The following MAGEB16 variants were observed in gnomAD, a reference collection of about 807,000 sequenced individuals.
The protein encoded by MAGEB16 is MAGE family member B16.
For missense variants in MAGEB16, 217 were observed against 234.0 expected, an observed-to-expected ratio of 0.93 and a Z score of 0.47; for synonymous variants, 95 against 92.1, an observed-to-expected ratio of 1.03 and a Z score of -0.18.
chrX:35,801,858 A>T (rs1289009385), intron 1 of MAGEB16, among the ~76,000 whole-genome samples: 4 of 112,589 alleles, frequency 3.6e-5, no homozygotes, highest in Non-Finnish European at 5.6e-5. Flanking sequence ...AACTGATGAC[A>T]TTACCCTCCT....
rs758800059 is a variant in MAGEB16 at position 35,800,399 on chromosome X, G to A, written c.-66-1732G>A. The A allele has an allele frequency of 5.4e-5, 26 of 477,431 alleles. No individual in the cohort carries two copies. The Admixed American group carries it at 7.3e-4, about 13-fold the overall frequency. The allele number at this position is 477,431 out of a possible 1,213,427, so 39.3% of individuals were successfully genotyped here. On this transcript the variant is annotated intron_variant, in intron 1 of 1. Coordinates refer to ENST00000399988, the Ensembl canonical transcript of MAGEB16. ...AATAGCAGCCTCAAGTCAATATAGG[G>A]GTAGGTGCATAAGGGGTACCGAGAG... is the stretch of plus-strand genomic sequence containing the variant.
exon 2 of MAGEB16, chrX:35,803,044 C>T (rs376215442): frequency 1.7e-6 from 2 of 1,210,416 alleles, no homozygotes; most frequent in Non-Finnish European, 2.2e-6. Flanking sequence ...AGAGCCAAAG[C>T]TGAAACCAGC....
intron 1 of MAGEB16, among the ~76,000 whole-genome samples, chrX:35,799,950 G>A (rs1601847239): frequency 9.0e-6 from 1 of 111,132 alleles, no homozygotes; most frequent in South Asian, 3.9e-4. Flanking sequence ...GCTAAGTAAG[G>A]CCATCAGAGG....
chrX:35,801,113 T>G (rs1327610605), intron 1 of MAGEB16, among the ~76,000 whole-genome samples: 1 of 111,678 alleles, frequency 9.0e-6, no homozygotes, highest in Non-Finnish European at 1.9e-5. Context: ...GGTTCTTGAT[T>G]AGTGTACCTA....
exon 2 of MAGEB16, chrX:35,802,869 G>T: frequency 8.3e-7 from 1 of 1,212,054 alleles, no homozygotes; most frequent in Non-Finnish European, 1.1e-6. Flanking sequence ...TGAAGAGGAA[G>T]TCTGGGAAGT....
chrX:35,802,386 G>A (rs1458370429), exon 2 of MAGEB16: 2 of 1,205,437 alleles, frequency 1.7e-6, no homozygotes, highest in African/African-American at 3.5e-5. Context: ...TCCTCTTGAG[G>A]TTCCTCAGAG....
chrX:35,799,550 C>T (rs1445494131), intron 1 of MAGEB16, among the ~76,000 whole-genome samples: 1 of 111,609 alleles, frequency 9.0e-6, no homozygotes, highest in African/African-American at 3.3e-5. Flanking sequence ...GAGTATATTA[C>T]ATCAGGCCAG....
chrX:35,799,083 C>T (rs1450898959), intron 1 of MAGEB16, among the ~76,000 whole-genome samples: 4 of 105,344 alleles, frequency 3.8e-5, no homozygotes, highest in Non-Finnish European at 7.8e-5. Context: ...GGGGTTTCAC[C>T]GTTTTAGCCA....
At chrX:35,800,771 A>G (rs768088712) in intron 1 of MAGEB16, among the ~76,000 whole-genome samples, 12 of 111,565 alleles carry the variant, frequency 1.1e-4, no homozygotes, top group Non-Finnish European at 2.3e-4. Flanking sequence ...AGATGCTTCC[A>G]TTAGTCAAGG....
chrX:35,802,745 C>A (rs1285857695), exon 2 of MAGEB16: 54 of 1,209,341 alleles, frequency 4.5e-5, no homozygotes, highest in Non-Finnish European at 5.9e-5. Flanking sequence ...ATGGCCTCTT[C>A]ATCAAACTGG....
intron 1 of MAGEB16, 99 bp from the exon 2 acceptor site, chrX:35,802,032 A>G: frequency 9.3e-6 from 5 of 537,816 alleles, no homozygotes; most frequent in Non-Finnish European, 1.5e-5. Flanking sequence ...GCTCTATAAC[A>G]CTGCTGTCAG....
At chrX:35,799,109 C>G (rs1326095638) in intron 1 of MAGEB16, among the ~76,000 whole-genome samples, 1 of 105,646 alleles carries the variant, frequency 9.5e-6, no homozygotes, top group Non-Finnish European at 1.9e-5. Flanking sequence ...GTCTCGATCT[C>G]CTGACCTCGT....
At chrX:35,801,696 G>A (rs144901311) in intron 1 of MAGEB16, among the ~76,000 whole-genome samples, 7 of 112,791 alleles carry the variant, frequency 6.2e-5, no homozygotes, top group African/African-American at 1.9e-4. Flanking sequence ...TCTAGGTCCT[G>A]CTATCAGCCC....
At chrX:35,803,114 A>G in exon 2 of MAGEB16, 1 of 1,205,752 alleles carries the variant, frequency 8.3e-7, no homozygotes, top group Non-Finnish European at 1.1e-6. Context: ...ATTCTTTCCC[A>G]TCTCAGTATG....
intron 1 of MAGEB16, chrX:35,800,651 G>A (rs1227991092): frequency 1.2e-5 from 6 of 514,423 alleles, no homozygotes; most frequent in African/African-American, 2.3e-5. Context: ...CCCTGCTGTC[G>A]GTTGTGGGAG....
intron 1 of MAGEB16, among the ~76,000 whole-genome samples, chrX:35,799,475 G>C (rs12010853): frequency 0.052 from 5,752 of 111,587 alleles, 356 homozygotes; most frequent in African/African-American, 0.18. Flanking sequence ...ACTCACCCTA[G>C]GGGTGTCAAA....
exon 2 of MAGEB16, chrX:35,802,982 C>T (rs201602477): frequency 9.1e-6 from 11 of 1,211,579 alleles, no homozygotes; most frequent in Non-Finnish European, 1.2e-5. Context: ...ACCTGGAGTA[C>T]CAGCAGGTGG....
chrX:35,802,755 G>A (rs1483199064), exon 2 of MAGEB16: 1 of 1,211,311 alleles, frequency 8.3e-7, no homozygotes. Flanking sequence ...CATCAAACTG[G>A]GCCTCACCTA....
At chrX:35,802,168 C>T in exon 2 of MAGEB16, 1 of 1,210,369 alleles carries the variant, frequency 8.3e-7, no homozygotes. Context: ...TGTCCACACT[C>T]CTGCCTACTG....
Sources: gnomAD v4.1 joint callset for allele counts (sites outside exome capture counted in the v4.1 genomes callset) on GRCh38, gnomAD v4.1.1 for gene constraint, MANE v1.5 for transcripts, NCBI Gene and HGNC (gene_info 2026-07-23, HGNC 2026-07-21) for gene names.